The following MGAT4C variants were observed in gnomAD, a reference collection of about 807,000 sequenced individuals.
MGAT4C encodes alpha-1,3-mannosyl-glycoprotein 4-beta-N-acetylglucosaminyltransferase C.
A neutral mutation model predicts 40.1 loss-of-function variants in MGAT4C; 19 were observed. The ratio of observed to expected loss-of-function variants is 0.47; its 90% CI spans 0.33 to 0.70. The LOEUF is 0.70. Among genes scored for constraint, MGAT4C ranks in the 30% least tolerant of loss-of-function variants. The pLI is 0.02. For synonymous variants in MGAT4C, 181 were observed against 187.1 expected, an observed-to-expected ratio of 0.97 and a Z score of 0.27; for missense variants, 491 against 563.2, an observed-to-expected ratio of 0.87 and a Z score of 1.30.
At chr12:86,018,289 A>T (rs1339794430) in intron 2 of MGAT4C, among the ~76,000 whole-genome samples, 1 of 152,208 alleles carries the variant, frequency 6.6e-6, no homozygotes, top group African/African-American at 2.4e-5. Context: ...TTAATCATTT[A>T]TATTAAAATC....
chr12:86,178,752 A>C (rs1887767957), intron 1 of MGAT4C, among the ~76,000 whole-genome samples: 1 of 152,176 alleles, frequency 6.6e-6, no homozygotes, highest in African/African-American at 2.4e-5. Flanking sequence ...TTAATATAAA[A>C]ATTAGCTTGT....
At chr12:86,475,988 T>C (rs1957829893) in intron 2 of MGAT4C, among the ~76,000 whole-genome samples, 1 of 152,090 alleles carries the variant, frequency 6.6e-6, no homozygotes, top group African/African-American at 2.4e-5. Context: ...GATAATGAAA[T>C]GATTACTATA....
chr12:86,489,321 T>C (rs1958083743), intron 2 of MGAT4C, among the ~76,000 whole-genome samples: 1 of 152,040 alleles, frequency 6.6e-6, no homozygotes, highest in Admixed American at 6.6e-5. Context: ...CCAGTAAAAT[T>C]CTCTACATTC....
intron 1 of MGAT4C, among the ~76,000 whole-genome samples, chr12:86,738,104 C>T (rs1951013338): frequency 6.6e-6 from 1 of 151,372 alleles, no homozygotes. Context: ...CTTTCTTCTC[C>T]TCATGGACCT....
chr12:86,252,255 C>G (rs1014796453), intron 1 of MGAT4C, among the ~76,000 whole-genome samples: 3 of 152,008 alleles, frequency 2.0e-5, no homozygotes, highest in Admixed American at 1.3e-4. Flanking sequence ...ATTCTGCATA[C>G]TTCAAATGGG....
At chr12:86,601,073 G>T (rs1490158138) in intron 2 of MGAT4C, among the ~76,000 whole-genome samples, 1 of 152,244 alleles carries the variant, frequency 6.6e-6, no homozygotes, top group African/African-American at 2.4e-5. Context: ...AGGCTGAAAT[G>T]TTGGGTGCTG....
In MGAT4C at chr12:86,049,739, T is replaced by A. The variant is rs1036885264; in HGVS notation, c.-56-16A>T. 8 of 927,422 alleles carry A rather than the reference T, an allele frequency of 8.6e-6. 1 individual carries two copies. The Admixed American group carries it at 4.3e-4, about 50-fold the overall frequency. The allele number at this position is 927,422 out of a possible 1,614,324, so 57.4% of individuals were successfully genotyped here. On this transcript the variant is annotated splice_polypyrimidine_tract_variant and intron_variant, in intron 1 of 4. Coordinates refer to ENST00000611864, the MANE Select transcript of MGAT4C (RefSeq NM_001351288.2). ...CGTTGATACCCTGGAAAAAAGAAAG[T>A]CTAATATTACTAATACAACCCACTG...
At chr12:86,064,304 T>C (rs1234031509) in intron 1 of MGAT4C, among the ~76,000 whole-genome samples, 1 of 152,056 alleles carries the variant, frequency 6.6e-6, no homozygotes, top group Non-Finnish European at 1.5e-5. Flanking sequence ...GGCATGAACC[T>C]GGGAGGTGGA....
intron 2 of MGAT4C, among the ~76,000 whole-genome samples, chr12:86,589,220 T>C (rs1299631238): frequency 6.6e-6 from 1 of 151,928 alleles, no homozygotes; most frequent in East Asian, 1.9e-4. Flanking sequence ...ATAAAGGGGA[T>C]ATCACCACCA....
intron 1 of MGAT4C, among the ~76,000 whole-genome samples, chr12:86,063,181 C>T (rs1343787253): frequency 2.6e-5 from 4 of 152,044 alleles, no homozygotes; most frequent in Admixed American, 6.6e-5. Flanking sequence ...GATCTCTCTA[C>T]AGAGATCATA....
At chr12:86,382,578 C>A (rs1955957868) in intron 3 of MGAT4C, among the ~76,000 whole-genome samples, 1 of 152,152 alleles carries the variant, frequency 6.6e-6, no homozygotes, top group Non-Finnish European at 1.5e-5. Flanking sequence ...GAAAATGTCT[C>A]CAGGGCATGT....
intron 4 of MGAT4C, among the ~76,000 whole-genome samples, chr12:86,314,655 T>C (rs1283201339): frequency 1.3e-5 from 2 of 152,210 alleles, no homozygotes; most frequent in African/African-American, 2.4e-5. Flanking sequence ...ATCAGTAGCA[T>C]TTCAGGCAAA....
intron 1 of MGAT4C, among the ~76,000 whole-genome samples, chr12:86,088,527 A>G (rs953225724): frequency 6.6e-6 from 1 of 151,962 alleles, no homozygotes; most frequent in African/African-American, 2.4e-5. Context: ...AACAAATTTA[A>G]AAGCAGAAAA....
At chr12:86,536,375 C>T (rs1347377743) in intron 2 of MGAT4C, among the ~76,000 whole-genome samples, 1 of 151,864 alleles carries the variant, frequency 6.6e-6, no homozygotes, top group Non-Finnish European at 1.5e-5. Context: ...TTGATGGAAG[C>T]ATAGTCATTT....
intron 2 of MGAT4C, among the ~76,000 whole-genome samples, chr12:86,551,534 G>A (rs1592977907): frequency 6.6e-6 from 1 of 152,086 alleles, no homozygotes; most frequent in Non-Finnish European, 1.5e-5. Context: ...CCCCCACATT[G>A]GCCAAGTAGC....
chr12:86,280,468 A>C (rs1953189713), intron 4 of MGAT4C, among the ~76,000 whole-genome samples: 1 of 151,996 alleles, frequency 6.6e-6, no homozygotes, highest in Admixed American at 6.5e-5. Context: ...AGTAAATGTA[A>C]ACTGTCCTTT....
At chr12:86,723,641 T>C (rs1950772628) in intron 2 of MGAT4C, among the ~76,000 whole-genome samples, 1 of 152,162 alleles carries the variant, frequency 6.6e-6, no homozygotes, top group Non-Finnish European at 1.5e-5. Context: ...TGAATACCTC[T>C]GTAAAGGCAC....
At chr12:86,174,163 TA>T (rs1887158626) in intron 1 of MGAT4C, among the ~76,000 whole-genome samples, 1 of 126,200 alleles carries the variant, frequency 7.9e-6, no homozygotes, top group African/African-American at 2.9e-5. Flanking sequence ...ACACACAGAA[TA>T]AAAAACTGAA....
At chr12:86,100,033 T>C (rs551922697) in intron 1 of MGAT4C, among the ~76,000 whole-genome samples, 1 of 151,406 alleles carries the variant, frequency 6.6e-6, no homozygotes, top group Non-Finnish European at 1.5e-5. Context: ...ACTACCTTAG[T>C]TTTTTGAATC....
Sources: gnomAD v4.1 joint callset for allele counts (sites outside exome capture counted in the v4.1 genomes callset) on GRCh38, gnomAD v4.1.1 for gene constraint, MANE v1.5 for transcripts, NCBI Gene and HGNC (gene_info 2026-07-23, HGNC 2026-07-21) for gene names.